The following TUBB8B variants were observed in gnomAD, a reference collection of about 807,000 sequenced individuals.
TUBB8B encodes tubulin beta 8B, also known as HSA18p11 beta-tubulin 4Q pseudogene.
In TUBB8B, 26 loss-of-function variants were observed where a neutral mutation model predicts 31.9. The ratio of observed to expected loss-of-function variants is 0.81; its 90% CI spans 0.60 to 1.13. The LOEUF is 1.13. Among genes scored for constraint, TUBB8B ranks in the 50% most tolerant of loss-of-function variants. The pLI is 0.00. For synonymous variants in TUBB8B, 173 were observed against 231.0 expected (o/e 0.75, Z 2.28); for missense variants, 467 against 586.7 (o/e 0.80, Z 2.11).
At chr18:48,726 C>T (rs565422219) in intron 3 of TUBB8B, 1 of 695,302 alleles carries the variant, frequency 1.4e-6, no homozygotes, top group South Asian at 1.5e-5. Flanking sequence ...AGCTCAGCTC[C>T]CGGCAGGGAC....
the TUBB8B span, among the ~76,000 whole-genome samples, chr18:69,446 A>G: frequency 6.6e-6 from 1 of 152,250 alleles, no homozygotes; most frequent in East Asian, 1.9e-4. Context: ...CAATCGGGCC[A>G]GACCTTAGAA....
chr18:50,807 C>T (rs536892527), upstream of TUBB8B, among the ~76,000 whole-genome samples: 1 of 152,142 alleles, frequency 6.6e-6, no homozygotes, highest in East Asian at 1.9e-4. Context: ...GGGGCCTTGG[C>T]TGTGGCATCT....
chr18:69,041 A>T, the TUBB8B span, among the ~76,000 whole-genome samples: 1 of 152,254 alleles, frequency 6.6e-6, no homozygotes, highest in Non-Finnish European at 1.5e-5. Flanking sequence ...AAACATAATT[A>T]TTTCTTGGAT....
the TUBB8B span, among the ~76,000 whole-genome samples, chr18:72,188 A>C: frequency 7.6e-6 from 1 of 130,838 alleles, no homozygotes. Context: ...AAAAAAAAAA[A>C]AAAAAAAAAA....
the TUBB8B span, among the ~76,000 whole-genome samples, chr18:70,758 C>A: frequency 6.6e-6 from 1 of 151,962 alleles, no homozygotes; most frequent in African/African-American, 2.4e-5. Flanking sequence ...TCAAGACAAG[C>A]CTGACCAATA....
At chr18:68,801 C>A in the TUBB8B span, among the ~76,000 whole-genome samples, 1 of 152,162 alleles carries the variant, frequency 6.6e-6, no homozygotes, top group African/African-American at 2.4e-5. Flanking sequence ...CTGCATGCTG[C>A]CCTTTCCAAG....
At chr18:59,626 C>T in the TUBB8B span, among the ~76,000 whole-genome samples, 3 of 150,178 alleles carry the variant, frequency 2.0e-5, no homozygotes, top group African/African-American at 7.4e-5. Context: ...TCACTGCAAC[C>T]TCTGCCTCCC....
the TUBB8B span, among the ~76,000 whole-genome samples, chr18:68,403 C>T: frequency 1.3e-5 from 2 of 152,202 alleles, no homozygotes; most frequent in South Asian, 4.1e-4. Flanking sequence ...CACTTCACTG[C>T]CTGCCCCAAC....
intron 3 of TUBB8B, 159 bp downstream of exon 3, chr18:48,781 G>A (rs555618364): frequency 5.8e-5 from 42 of 718,420 alleles, no homozygotes; most frequent in African/African-American, 1.6e-4. Context: ...CCTTCCTCCC[G>A]AAGCCCATTT....
At chr18:51,352 G>C (rs1400888216), upstream of TUBB8B, among the ~76,000 whole-genome samples, 3 of 126,884 alleles carry the variant, frequency 2.4e-5, no homozygotes, top group African/African-American at 9.6e-5. Flanking sequence ...CGTGGGAGGG[G>C]CCCAGTGGGA....
the TUBB8B span, among the ~76,000 whole-genome samples, chr18:60,640 C>T: frequency 8.6e-5 from 13 of 151,670 alleles, no homozygotes; most frequent in African/African-American, 2.9e-4. Context: ...CCATATTCCA[C>T]AGGTTTTGCT....
Position 47,376 on chromosome 18 carries a change from A to AG in TUBB8B, c.*13dup, listed in dbSNP as rs1477944330. 1.3e-6 allele frequency: 1 copy of AG among 777,440 alleles called. No individual in the cohort carries two copies. Among genetic ancestry groups the AG allele is most frequent in the Non-Finnish European group, 2.2e-6 (1 of 463,010 alleles). 48.2% of individuals were successfully genotyped at this position (777,440 alleles called of 1,614,324 possible). ...TCCACACTGCTTCCCCCCTTTACCTAGAAAAGGAGAGTTCTAGGCCACCTC... is the reference window on the plus strand; with the variant it reads ...TCCACACTGCTTCCCCCCTTTACCTAGGAAAAGGAGAGTTCTAGGCCACCTC... On this transcript the variant is annotated 3_prime_UTR_variant, in exon 4 of 4. Transcript: ENST00000308911.
chr18:60,402 T>C, the TUBB8B span, among the ~76,000 whole-genome samples: 2 of 151,742 alleles, frequency 1.3e-5, no homozygotes, highest in African/African-American at 4.8e-5. Context: ...TTAATTGTTT[T>C]ACTTTTCAAA....
chr18:66,667 T>A, the TUBB8B span, among the ~76,000 whole-genome samples: 3 of 152,214 alleles, frequency 2.0e-5, no homozygotes, highest in South Asian at 6.2e-4. Context: ...ATTTTATTAC[T>A]GTTGCTTTGT....
chr18:57,274 T>C, the TUBB8B span, among the ~76,000 whole-genome samples: 1 of 151,706 alleles, frequency 6.6e-6, no homozygotes, highest in Non-Finnish European at 1.5e-5. Flanking sequence ...TTATTCTTCC[T>C]ATAAGCTTGT....
chr18:53,356 AT>A (rs974552276), upstream of TUBB8B, among the ~76,000 whole-genome samples: 2 of 151,956 alleles, frequency 1.3e-5, no homozygotes, highest in Non-Finnish European at 2.9e-5. Context: ...GTCCTCAAAG[AT>A]TTCTCAAGAT....
chr18:61,889 CATGTT>C, the TUBB8B span, among the ~76,000 whole-genome samples: 1 of 151,558 alleles, frequency 6.6e-6, no homozygotes, highest in Non-Finnish European at 1.5e-5. Context: ...CCATAATTAC[CATGTT>C]ATAATATTCT....
upstream of TUBB8B, among the ~76,000 whole-genome samples, chr18:51,593 CCAT>C (rs1338047451): frequency 3.9e-5 from 6 of 151,986 alleles, no homozygotes; most frequent in Admixed American, 2.0e-4. Flanking sequence ...GCACCCACCA[CCAT>C]GCCTGTCTAA....
At chr18:49,313 C>G (rs1224155530) in intron 1 of TUBB8B, 76 bp from the exon 2 acceptor site, 7 of 1,325,688 alleles carry the variant, frequency 5.3e-6, no homozygotes, top group South Asian at 1.3e-5. Flanking sequence ...CACCCCCACC[C>G]GCACCCCCAT....
Sources: allele counts gnomAD v4.1 joint callset (sites outside exome capture counted in the v4.1 genomes callset), GRCh38; gene constraint gnomAD v4.1.1; transcripts MANE v1.5; gene names NCBI Gene and HGNC (gene_info 2026-07-23, HGNC 2026-07-21).